SEL1L3: variants seen among roughly 807,000 people sequenced by gnomAD.
SEL1L3 encodes protein sel-1 homolog 3.
SEL1L3 carries 76 observed loss-of-function variants against 142.8 expected under a neutral mutation model. The observed-to-expected ratio is 0.53, with a 90% CI of 0.44 to 0.64. The LOEUF is 0.64. Ranked by LOEUF, SEL1L3 falls within the 30% of genes least tolerant of loss-of-function variation. The pLI, the probability that SEL1L3 is intolerant of heterozygous loss-of-function variation, is 0.00. For missense variants in SEL1L3, 1,262 were observed against 1,381.7 expected, an observed-to-expected ratio of 0.91 and a Z score of 1.37; for synonymous variants, 504 against 519.6, an observed-to-expected ratio of 0.97 and a Z score of 0.41.
chr4:25,861,560 TC>T (rs1208955048), intron 1 of SEL1L3, among the ~76,000 whole-genome samples: 1 of 151,776 alleles, frequency 6.6e-6, no homozygotes, highest in African/African-American at 2.4e-5. Flanking sequence ...GTTTTTAGCT[TC>T]CAAAAAGAAA....
chr4:25,813,616 G>T (rs917924399), intron 9 of SEL1L3, among the ~76,000 whole-genome samples: 3 of 152,198 alleles, frequency 2.0e-5, no homozygotes, highest in Admixed American at 2.0e-4. Flanking sequence ...CAAGAAAAAA[G>T]TCGTGGAGCT....
chr4:25,786,980 T>G (rs4697620), intron 13 of SEL1L3, among the ~76,000 whole-genome samples: 30,951 of 152,084 alleles, frequency 0.2, 3,255 homozygotes, highest in Middle Eastern at 0.27. Context: ...GCTTGCTTTT[T>G]GGGGGCAGCT....
intron 20 of SEL1L3, among the ~76,000 whole-genome samples, chr4:25,760,510 C>T (rs1718304141): frequency 6.6e-6 from 1 of 152,182 alleles, no homozygotes; most frequent in African/African-American, 2.4e-5. Flanking sequence ...TATACTCCCA[C>T]CAACAGTGCA....
intron 11 of SEL1L3, among the ~76,000 whole-genome samples, chr4:25,795,809 A>AT (rs1712695380): frequency 6.6e-6 from 1 of 152,154 alleles, no homozygotes; most frequent in Non-Finnish European, 1.5e-5. Context: ...CAGACCACCT[A>AT]TTAACACAAA....
Position 25,830,109 on chromosome 4 carries a change from A to G in SEL1L3, c.1146T>C (p.Asn382=). 6.2e-7 allele frequency: 1 copy of G among 1,609,980 alleles called. No homozygotes were observed. The highest frequency in any genetic ancestry group is 1.1e-5 in the South Asian group (1 of 90,878). ...AAAATCGCACTTACCTAATGGTCTG[A>G]TTGTGGTAGCTTTTCAAATCCTGTC... is the stretch of plus-strand genomic sequence containing the variant. ...SIGQDLKSYH[N]QTISFREDFH... Residue 382 remains asparagine, a synonymous_variant, in exon 6 of 24, where the codon AAT becomes AAC. Coordinates refer to ENST00000399878, the MANE Select transcript of SEL1L3 (RefSeq NM_015187.5).
At position 25,756,409 on chromosome 4, in the gene SEL1L3, G is replaced by T. The variant is rs1254448370; in HGVS notation, c.3259+1125C>A. The T allele has an allele frequency of 8.1e-6, 8 of 984,756 alleles. No homozygotes were observed. In the East Asian group the frequency reaches 9.1e-4, roughly 112 times the overall value. 61.0% of individuals were successfully genotyped at this position (984,756 alleles called of 1,614,324 possible). A position where few individuals can be genotyped will look rare whatever the true frequency, so the allele number is the denominator to read the frequency against. On this transcript the variant is annotated intron_variant, in intron 23 of 23. Coordinates refer to ENST00000399878, the MANE Select transcript of SEL1L3 (RefSeq NM_015187.5). ...GTAAGAGCTAACATTTATTGAGAAG[G>T]TTTTATATGCCAGATAAATATAACA...
intron 7 of SEL1L3, 136 bp downstream of exon 7, chr4:25,821,860 A>G (rs1219915917): frequency 1.1e-6 from 1 of 892,716 alleles, no homozygotes. Flanking sequence ...AAAAGCCTCA[A>G]TATTAATGAT....
At chr4:25,801,646 G>A (rs897381681) in intron 11 of SEL1L3, among the ~76,000 whole-genome samples, 1 of 152,126 alleles carries the variant, frequency 6.6e-6, no homozygotes, top group Non-Finnish European at 1.5e-5. Context: ...TAATATCTGG[G>A]AGCCTGCAAA....
the SEL1L3 span, among the ~76,000 whole-genome samples, chr4:25,715,199 T>C: frequency 6.6e-6 from 1 of 152,014 alleles, no homozygotes; most frequent in Non-Finnish European, 1.5e-5. Context: ...ATAACAGAAA[T>C]ACAAATCAAT....
chr4:25,825,252 T>C (rs993728044), intron 6 of SEL1L3, among the ~76,000 whole-genome samples: 3 of 152,136 alleles, frequency 2.0e-5, no homozygotes, highest in Non-Finnish European at 4.4e-5. Flanking sequence ...TTGGTCTCCA[T>C]GTACATTGAT....
intron 10 of SEL1L3, among the ~76,000 whole-genome samples, chr4:25,803,438 C>A (rs1373598916): frequency 6.6e-6 from 1 of 152,216 alleles, no homozygotes; most frequent in Non-Finnish European, 1.5e-5. Context: ...CCCCAAACCA[C>A]GCATACACAA....
intron 16 of SEL1L3, among the ~76,000 whole-genome samples, chr4:25,777,367 GT>G (rs1158253041): frequency 6.6e-6 from 1 of 152,074 alleles, no homozygotes; most frequent in African/African-American, 2.4e-5. Flanking sequence ...AAAAAGAGAG[GT>G]AGGTAAGTCC....
chr4:25,786,039 A>G (rs1414294361), intron 13 of SEL1L3, among the ~76,000 whole-genome samples: 4 of 152,144 alleles, frequency 2.6e-5, no homozygotes, highest in Admixed American at 2.6e-4. Flanking sequence ...AAATGAGAGA[A>G]ATGTGAAGCC....
rs1717813233 is a variant in SEL1L3, at chr4:25,862,710, G to A, written c.127C>T (p.Arg43Cys). ...AGCAGGAGCAGCGCGCAGGCAGAGC[G>A]GCCGCCGAGGCCCTGGGGGACGCCG... ...SGGVPQGLGGRSACALLLLCY... is the reference protein window; with the variant it reads ...SGGVPQGLGGCSACALLLLCY... The change falls in exon 1 of 24, where the codon CGC becomes TGC. Residue 43 changes from arginine (R) to cysteine (C), a missense_variant. This residue lies in a region of SEL1L3 where 689 missense variants were observed against 692.8 expected (regional missense o/e 0.99). Coordinates refer to ENST00000399878, the MANE Select transcript of SEL1L3 (RefSeq NM_015187.5). The A allele has an allele frequency of 8.5e-6, 11 of 1,297,836 alleles. No individual in the cohort carries two copies. Among genetic ancestry groups the A allele is most frequent in the East Asian group, 3.2e-5 (1 of 30,788 alleles). 80.4% of individuals were successfully genotyped at this position (1,297,836 alleles called of 1,614,324 possible).
intron 1 of SEL1L3, among the ~76,000 whole-genome samples, chr4:25,857,401 A>C (rs1373846962): frequency 6.6e-6 from 1 of 152,212 alleles, no homozygotes; most frequent in Non-Finnish European, 1.5e-5. Flanking sequence ...TACATCACAC[A>C]AAGCTACCTA....
rs1416771405 is a variant in SEL1L3 at position 25,847,389 on chromosome 4, C to T, written c.638G>A (p.Arg213His). Reference sequence around the variant, plus strand: ...GCACACTTGATGATCTTTGAAAGGGCGTTCAAAAGGCGGGATGGTCTGCAG... The same window carrying T: ...GCACACTTGATGATCTTTGAAAGGGTGTTCAAAAGGCGGGATGGTCTGCAG... ...TLLQTIPPFE[R>H]PFKDHQVCLE... is the part of the protein sequence containing the mutation. Residue 213 changes from arginine (R) to histidine (H), a missense_variant, in exon 2 of 24, where the codon CGC becomes CAC. By Grantham distance (29) the Arg-to-His change is conservative (BLOSUM62 0). This residue lies in a region of SEL1L3 where 689 missense variants were observed against 692.8 expected (regional missense o/e 0.99). Coordinates refer to ENST00000399878, the MANE Select transcript of SEL1L3 (RefSeq NM_015187.5). 1.2e-6 allele frequency: 2 copies of T among 1,613,842 alleles called. No individual in the cohort carries two copies. The highest frequency in any genetic ancestry group is 1.3e-5 in the African/African-American group (1 of 74,920).
intron 9 of SEL1L3, among the ~76,000 whole-genome samples, chr4:25,809,067 T>C (rs1431299803): frequency 1.8e-4 from 25 of 141,116 alleles, no homozygotes; most frequent in Non-Finnish European, 2.5e-4. Context: ...AGTGAGACTC[T>C]GTCTCAAAAA....
intron 6 of SEL1L3, among the ~76,000 whole-genome samples, chr4:25,825,158 A>G (rs772494058): frequency 6.6e-6 from 1 of 152,226 alleles, no homozygotes; most frequent in African/African-American, 2.4e-5. Flanking sequence ...TTTTTCAACA[A>G]AAAACAAATT....
At chr4:25,825,020 C>T (rs1413010526) in intron 6 of SEL1L3, among the ~76,000 whole-genome samples, 2 of 152,136 alleles carry the variant, frequency 1.3e-5, no homozygotes, top group African/African-American at 2.4e-5. Context: ...CGCTAATCTG[C>T]AGATTTGTAC....
Sources: gnomAD v4.1 joint callset for allele counts (sites outside exome capture counted in the v4.1 genomes callset) on GRCh38, gnomAD v4.1.1 for gene constraint, gnomAD v4.1.1 regional missense constraint, MANE v1.5 for transcripts, NCBI Gene and HGNC (gene_info 2026-07-23, HGNC 2026-07-21) for gene names.